Variants in PRKAR1A observed in about 807,000 individuals in gnomAD.
The protein encoded by PRKAR1A is cAMP-dependent protein kinase type I-alpha regulatory subunit.
Under a neutral mutation model 52.0 loss-of-function variants are expected in PRKAR1A, and 3 were observed. That is an observed-to-expected ratio of 0.06 (90% CI 0.03 to 0.15). The LOEUF is 0.15. Ranked by LOEUF, PRKAR1A falls within the 10% of genes least tolerant of loss-of-function variation. The pLI is 1.00. For missense variants in PRKAR1A, 240 were observed against 477.4 expected (o/e 0.50, Z 4.63); for synonymous variants, 188 against 168.4 (o/e 1.12, Z -0.90).
At chr17:68,430,867 G>C in the PRKAR1A span, among the ~76,000 whole-genome samples, 1 of 152,228 alleles carries the variant, frequency 6.6e-6, no homozygotes, top group Non-Finnish European at 1.5e-5. Context: ...ACTGCTGAGA[G>C]GCTGCTTGTC....
At chr17:68,486,520 T>C in the PRKAR1A span, among the ~76,000 whole-genome samples, 2,239 of 102,722 alleles carry the variant, frequency 0.022, 53 homozygotes, top group Middle Eastern at 0.036. Context: ...TTTCTTTCTT[T>C]CTTTCTTTCT....
At chr17:68,476,657 T>C in the PRKAR1A span, among the ~76,000 whole-genome samples, 6 of 149,734 alleles carry the variant, frequency 4.0e-5, no homozygotes, top group South Asian at 4.3e-4. Flanking sequence ...CATCCCTCCC[T>C]CTCTCTCTCT....
At chr17:68,420,538 T>G in the PRKAR1A span, 4 of 1,509,360 alleles carry the variant, frequency 2.7e-6, no homozygotes, top group African/African-American at 5.5e-5. Flanking sequence ...ATTTTTACCC[T>G]CTTTACAAAC....
the PRKAR1A span, among the ~76,000 whole-genome samples, chr17:68,505,342 G>A: frequency 6.6e-6 from 1 of 152,144 alleles, no homozygotes; most frequent in Non-Finnish European, 1.5e-5. Flanking sequence ...TGGTTATCAG[G>A]GCCTTAGGGG....
intron 2 of PRKAR1A, among the ~76,000 whole-genome samples, chr17:68,520,721 T>C (rs2085578655): frequency 6.6e-6 from 1 of 152,234 alleles, no homozygotes; most frequent in African/African-American, 2.4e-5. Context: ...GATTGCTGTT[T>C]TTAAAAGACT....
chr17:68,457,348 T>G, the PRKAR1A span: 1 of 1,545,198 alleles, frequency 6.5e-7, no homozygotes, highest in Non-Finnish European at 8.7e-7. Flanking sequence ...TTACGTGCAG[T>G]CCTGGTTGAA....
the PRKAR1A span, among the ~76,000 whole-genome samples, chr17:68,478,760 C>T: frequency 6.7e-6 from 1 of 149,908 alleles, no homozygotes; most frequent in African/African-American, 2.5e-5. Context: ...CAGACTCTCG[C>T]TCTGTAGCCC....
At chr17:68,479,299 G>C in the PRKAR1A span, among the ~76,000 whole-genome samples, 1 of 152,110 alleles carries the variant, frequency 6.6e-6, no homozygotes, top group African/African-American at 2.4e-5. Context: ...TTGAATTGCT[G>C]TTCCATTTTA....
the PRKAR1A span, among the ~76,000 whole-genome samples, chr17:68,475,980 G>A: frequency 2.8e-3 from 419 of 152,052 alleles, 1 homozygote; most frequent in African/African-American, 9.5e-3. Flanking sequence ...ATTTTTTGGG[G>A]GGGTTATTAT....
At chr17:68,426,251 G>GGGGGGGGGGT in the PRKAR1A span, 7 of 825,460 alleles carry the variant, frequency 8.5e-6, 1 homozygote, top group Admixed American at 7.0e-5. Flanking sequence ...GTGGGGAGCG[G>GGGGGGGGGGT]GGGCTCAAAT....
chr17:68,477,550 C>G, the PRKAR1A span, among the ~76,000 whole-genome samples: 4 of 152,140 alleles, frequency 2.6e-5, no homozygotes, highest in Admixed American at 6.5e-5. Flanking sequence ...CTTTTTTCCC[C>G]GTGTGTACTT....
At chr17:68,445,465 C>T in the PRKAR1A span, among the ~76,000 whole-genome samples, 3 of 152,266 alleles carry the variant, frequency 2.0e-5, no homozygotes, top group Admixed American at 6.5e-5. Flanking sequence ...GCTTTTGGGC[C>T]GCTGTCTGAG....
At chr17:68,447,984 C>CAAAAAA in the PRKAR1A span, among the ~76,000 whole-genome samples, 7 of 80,240 alleles carry the variant, frequency 8.7e-5, no homozygotes, top group Admixed American at 1.4e-4. Context: ...GACTCTATCT[C>CAAAAAA]AAAAAAAAAA....
the PRKAR1A span, among the ~76,000 whole-genome samples, chr17:68,435,456 T>C: frequency 6.6e-6 from 1 of 152,210 alleles, no homozygotes; most frequent in Non-Finnish European, 1.5e-5. Flanking sequence ...TGCATGAATA[T>C]ACCACACATG....
chr17:68,445,217 A>G, the PRKAR1A span, among the ~76,000 whole-genome samples: 1 of 152,096 alleles, frequency 6.6e-6, no homozygotes, highest in African/African-American at 2.4e-5. Flanking sequence ...ACCGCGTTCA[A>G]CAGGACTTCT....
At chr17:68,539,795 T>C (rs1045877587) in intron 11 of PRKAR1A, 2 of 1,248,808 alleles carry the variant, frequency 1.6e-6, no homozygotes, top group African/African-American at 2.9e-5. Context: ...AGGCCCTCAT[T>C]TGCAGGGCGT....
In PRKAR1A at chr17:68,520,595, A is replaced by T. The variant is rs145077277; in HGVS notation, c.178-2161A>T. 2.1e-3 allele frequency among the ~76,000 whole-genome samples: 320 copies of T among 152,298 alleles called. 1 individual carries two copies. The highest frequency in any genetic ancestry group is 7.4e-3 in the African/African-American group (306 of 41,564). On this transcript the variant is annotated intron_variant, in intron 2 of 10. Transcript: ENST00000589228. ...TCACTTAAAGAGCTGAGGAGGAAGG[A>T]GACTGACAGAAGGATGACAACAGCA...
At chr17:68,543,774 G>T in intron 11 of PRKAR1A, 1 of 1,483,538 alleles carries the variant, frequency 6.7e-7, no homozygotes, top group South Asian at 1.1e-5. Flanking sequence ...CTGGGAGCCT[G>T]AGAAGAGAGC....
chr17:68,452,826 A>C, the PRKAR1A span: 6 of 1,249,704 alleles, frequency 4.8e-6, no homozygotes, highest in Non-Finnish European at 6.8e-6. Flanking sequence ...AAAAATAGGC[A>C]GCTTGGTAGC....
Sources: allele counts gnomAD v4.1 joint callset (sites outside exome capture counted in the v4.1 genomes callset), GRCh38; gene constraint gnomAD v4.1.1; transcripts MANE v1.5; gene names NCBI Gene and HGNC (gene_info 2026-07-23, HGNC 2026-07-21).